NUP58: variants seen among roughly 807,000 people sequenced by gnomAD.
NUP58 encodes the protein nucleoporin p58/p45.
Under a neutral mutation model 70.1 loss-of-function variants are expected in NUP58, and 17 were observed. That is an observed-to-expected ratio of 0.24 (90% confidence interval 0.17 to 0.36). NUP58 has a LOEUF of 0.36. Ranked by LOEUF, NUP58 falls within the 10% of genes least tolerant of loss-of-function variation. The pLI, the probability that NUP58 is intolerant of heterozygous loss-of-function variation, is 1.00. For missense variants in NUP58, 644 were observed against 701.5 expected, an observed-to-expected ratio of 0.92 and a Z score of 0.93; for synonymous variants, 275 against 257.6, an observed-to-expected ratio of 1.07 and a Z score of -0.65.
chr13:25,315,419 A>G lies in NUP58; in HGVS notation c.637A>G (p.Asn213Asp). The G allele has an allele frequency of 6.2e-7, 1 of 1,613,882 alleles. No individual in the cohort carries two copies. The highest frequency in any genetic ancestry group is 8.5e-7 in the Non-Finnish European group (1 of 1,179,794). The change falls in exon 6 of 16, where the codon AAT (asparagine) becomes GAT (aspartate). Residue 213 changes from asparagine (N) to aspartate (D), a missense_variant. Physicochemically the swap from Asn to Asp is conservative, Grantham distance 23. Transcript: ENST00000381736. Reference sequence around the variant, plus strand: ...TACAGCAGCTACTTCAACTGCAGGCAATGAAGGCCTTGGTGGTATAGATTT... The same window carrying G: ...TACAGCAGCTACTTCAACTGCAGGCGATGAAGGCCTTGGTGGTATAGATTT... ...GTTAATSTAG[N>D]EGLGGIDFSS... is the part of the protein sequence containing the mutation.
At chr13:25,335,146 G>T (rs1268425125) in intron 13 of NUP58, 1 of 985,194 alleles carries the variant, frequency 1.0e-6, no homozygotes, top group Non-Finnish European at 1.2e-6. Flanking sequence ...GTTGCCTTCA[G>T]AATTTGTGTG....
intron 13 of NUP58, chr13:25,336,029 T>G: frequency 8.5e-7 from 1 of 1,174,006 alleles, no homozygotes; most frequent in South Asian, 1.7e-5. Context: ...ATGCTATTCT[T>G]GCCAAACAAA....
At chr13:25,308,319 G>A (rs1437671606) in intron 2 of NUP58, among the ~76,000 whole-genome samples, 2 of 151,692 alleles carry the variant, frequency 1.3e-5, no homozygotes, top group Admixed American at 6.6e-5. Flanking sequence ...TCTTTTTTTA[G>A]ATACACAGTC....
At chr13:25,322,157 C>G (rs1386179639) in intron 9 of NUP58, among the ~76,000 whole-genome samples, 1 of 152,194 alleles carries the variant, frequency 6.6e-6, no homozygotes, top group Admixed American at 6.5e-5. Context: ...TGTCCCTGAT[C>G]TGTTAATGAA....
chr13:25,336,910 C>G, intron 13 of NUP58, 26 bp from the exon 14 acceptor site: 2 of 1,236,398 alleles, frequency 1.6e-6, no homozygotes, highest in Non-Finnish European at 2.3e-6. Flanking sequence ...TTTTTCCCCC[C>G]CATTTTTTTT....
chr13:25,336,501 A>G lies in NUP58; in HGVS notation c.1436-435A>G, dbSNP rs114100854. 7.3e-3 allele frequency among the ~76,000 whole-genome samples: 1,110 copies of G among 152,222 alleles called. 21 individuals carry two copies. The highest frequency in any genetic ancestry group is 0.026 in the African/African-American group (1,064 of 41,538). ...TGATCAATTGAGACTTGACTCTAAC[A>G]CTAAGGAGCTCGATTAAAAAAAGTA... On this transcript the variant is annotated intron_variant, in intron 13 of 15. Transcript: ENST00000381736.
intron 7 of NUP58, among the ~76,000 whole-genome samples, chr13:25,319,984 T>C (rs536437014): frequency 6.6e-6 from 1 of 152,268 alleles, no homozygotes. Context: ...GCATGCCAGA[T>C]GTCACTTGTT....
chr13:25,331,732 G>C, intron 13 of NUP58, 174 bp downstream of exon 13: 1 of 1,421,886 alleles, frequency 7.0e-7, no homozygotes, highest in Non-Finnish European at 9.2e-7. Flanking sequence ...AAAAAGGCAG[G>C]GTAGTCTTAG....
chr13:25,334,204 AC>A, intron 13 of NUP58: 1 of 985,422 alleles, frequency 1.0e-6, no homozygotes, highest in Non-Finnish European at 1.2e-6. Flanking sequence ...AGAACTTGAC[AC>A]TTGTCTATAA....
intron 5 of NUP58, among the ~76,000 whole-genome samples, chr13:25,314,436 C>A (rs928285928): frequency 6.6e-6 from 1 of 151,894 alleles, no homozygotes; most frequent in Non-Finnish European, 1.5e-5. Context: ...TGGCTCACAC[C>A]TGTAATCCCA....
intron 6 of NUP58, among the ~76,000 whole-genome samples, chr13:25,318,815 G>T (rs2031054777): frequency 6.6e-6 from 1 of 152,168 alleles, no homozygotes; most frequent in Admixed American, 6.5e-5. Flanking sequence ...TGTTTTAAGG[G>T]ATTGTCAGAT....
intron 1 of NUP58, chr13:25,302,825 A>G: frequency 2.6e-6 from 1 of 386,610 alleles, no homozygotes; most frequent in Non-Finnish European, 5.1e-6. Context: ...TCAATTCAGA[A>G]ATTTGAATTT....
intron 6 of NUP58, among the ~76,000 whole-genome samples, chr13:25,316,481 A>G (rs2030936495): frequency 6.6e-6 from 1 of 152,072 alleles, no homozygotes; most frequent in Non-Finnish European, 1.5e-5. Context: ...AGGTTTTATT[A>G]TAAGGAGATA....
intron 9 of NUP58, 59 bp from the exon 10 acceptor site, chr13:25,324,930 T>C: frequency 8.6e-7 from 1 of 1,166,386 alleles, no homozygotes; most frequent in Non-Finnish European, 1.2e-6. Flanking sequence ...TCGTACGGTA[T>C]TTTTAACATA....
In NUP58 at chr13:25,340,444, G is replaced by T; in HGVS notation, c.*310G>T. The T allele has an allele frequency of 4.9e-6, 1 of 204,766 alleles. No homozygotes were observed. Among genetic ancestry groups the T allele is most frequent in the Non-Finnish European group, 9.7e-6 (1 of 103,470 alleles). 12.7% of individuals were successfully genotyped at this position (204,766 alleles called of 1,614,324 possible). A position where few individuals can be genotyped will look rare whatever the true frequency, so the allele number is the denominator to read the frequency against. On this transcript the variant is annotated 3_prime_UTR_variant, in exon 16 of 16. Transcript: ENST00000381736. ...TACTATTTAACCTAGTGTTTTTGTT[G>T]ATGAGGTTTACATTATGTGAATACA...
chr13:25,311,533 G>A (rs565979584), intron 3 of NUP58, among the ~76,000 whole-genome samples: 74 of 151,944 alleles, frequency 4.9e-4, no homozygotes, highest in East Asian at 2.7e-3. Flanking sequence ...GCGCCACCAC[G>A]CCCAGCTAAT....
chr13:25,317,811 A>T (rs2031001611), intron 6 of NUP58: 1 of 151,322 alleles, frequency 6.6e-6, no homozygotes, highest in East Asian at 1.9e-4. Context: ...AAAAAGTAAA[A>T]CCCCATGTGC....
intron 13 of NUP58, chr13:25,332,923 A>G (rs2031661736): frequency 4.1e-6 from 4 of 985,256 alleles, no homozygotes; most frequent in African/African-American, 1.7e-5. Context: ...CAAACCAACC[A>G]TAGTACTAGT....
intron 13 of NUP58, chr13:25,331,981 C>T: frequency 9.8e-7 from 1 of 1,024,570 alleles, no homozygotes; most frequent in Non-Finnish European, 1.2e-6. Context: ...TTTCCTCATA[C>T]ATAGTGATTA....
Sources: allele counts gnomAD v4.1 joint callset (sites outside exome capture counted in the v4.1 genomes callset), GRCh38; gene constraint gnomAD v4.1.1; transcripts MANE v1.5; gene names NCBI Gene and HGNC (gene_info 2026-07-23, HGNC 2026-07-21).